STK31: variants seen among roughly 807,000 people sequenced by gnomAD.
STK31 encodes serine/threonine-protein kinase 31.
A neutral mutation model predicts 129.7 loss-of-function variants in STK31; 89 were observed. That is an observed-to-expected ratio of 0.69 (90% CI 0.58 to 0.82). STK31 has a LOEUF of 0.82. STK31 is among the 40% of genes least tolerant of loss of function. The pLI is 0.00. For missense variants in STK31, 1,187 were observed against 1,176.4 expected (o/e 1.01, Z -0.13); for synonymous variants, 448 against 395.3 (o/e 1.13, Z -1.58).
At chr7:23,776,996 T>G (rs956769962) in intron 15 of STK31, among the ~76,000 whole-genome samples, 9 of 152,228 alleles carry the variant, frequency 5.9e-5, no homozygotes, top group African/African-American at 2.2e-4. Flanking sequence ...GCTTTAGCTG[T>G]GTCCCAGAGA....
In STK31 at chr7:23,785,485, G is replaced by T. The variant is rs1407165896; in HGVS notation, c.2156G>T (p.Gly719Val). Reference sequence around the variant, plus strand: ...ATAAAAACTTGTGCCTAGAACTCTGGTGGTCTCCTTACAATGAGCTTGGAA... The same window carrying T: ...ATAAAAACTTGTGCCTAGAACTCTGTTGGTCTCCTTACAATGAGCTTGGAA... ...EIGLLKYMNS[G>V]GLLTMSLERD... Residue 719 changes from glycine to valine, a missense_variant, in exon 18 of 24, where the codon GGT becomes GTT. Physicochemically the swap from Gly to Val is moderately radical, Grantham distance 109. Transcript: ENST00000355870. 1.2e-6 allele frequency: 2 copies of T among 1,613,448 alleles called. No homozygotes were observed. Among genetic ancestry groups the T allele is most frequent in the Admixed American group, 3.3e-5 (2 of 59,994 alleles).
At chr7:23,739,818 G>A (rs1787947660) in intron 8 of STK31, among the ~76,000 whole-genome samples, 1 of 152,106 alleles carries the variant, frequency 6.6e-6, no homozygotes, top group Admixed American at 6.5e-5. Context: ...CCTTTGTTCT[G>A]TTCCATTGAT....
chr7:23,806,757 G>T (rs1467894457), intron 22 of STK31, among the ~76,000 whole-genome samples: 1 of 152,014 alleles, frequency 6.6e-6, no homozygotes, highest in Non-Finnish European at 1.5e-5. Flanking sequence ...AAAATCAGCC[G>T]GGCGTGTTGG....
intron 7 of STK31, among the ~76,000 whole-genome samples, chr7:23,736,150 TG>T (rs755804907): frequency 5.9e-5 from 9 of 152,240 alleles, no homozygotes; most frequent in African/African-American, 1.7e-4. Context: ...GCCAACTATT[TG>T]GAATACACTT....
At chr7:23,798,775 G>T (rs910804100) in intron 22 of STK31, among the ~76,000 whole-genome samples, 3 of 151,772 alleles carry the variant, frequency 2.0e-5, no homozygotes, top group African/African-American at 4.8e-5. Context: ...GAAAGAAAGG[G>T]TATTCAAATA....
chr7:23,792,448 G>C (rs1305050664), intron 22 of STK31, among the ~76,000 whole-genome samples: 1 of 152,064 alleles, frequency 6.6e-6, no homozygotes, highest in Non-Finnish European at 1.5e-5. Context: ...ACAAAGCATT[G>C]TTCAGAGAAA....
intron 22 of STK31, among the ~76,000 whole-genome samples, chr7:23,806,808 G>T (rs1584478468): frequency 6.6e-6 from 1 of 150,938 alleles, no homozygotes; most frequent in Non-Finnish European, 1.5e-5. Context: ...GCTGAGGCAG[G>T]AGAATGGTGT....
chr7:23,771,073 A>G lies in STK31; in HGVS notation c.1782A>G (p.Ser594=). 1 of 1,613,132 alleles carries G rather than the reference A, an allele frequency of 6.2e-7. No homozygotes were observed. Among genetic ancestry groups the G allele is most frequent in the African/African-American group, 1.3e-5 (1 of 74,964 alleles). Reference sequence around the variant, plus strand: ...GTCAAGTACTGCAAAAGATTCATTCAGAGGAAAGGCTCATTGCCACAGTAC... The same window carrying G: ...GTCAAGTACTGCAAAAGATTCATTCGGAGGAAAGGCTCATTGCCACAGTAC... ...TYSQVLQKIH[S]EERLIATVQA... is the part of the protein sequence containing the mutation. Residue 594 remains serine (S), a synonymous_variant, in exon 14 of 24, where the codon TCA becomes TCG. Transcript: ENST00000355870.
intron 22 of STK31, among the ~76,000 whole-genome samples, chr7:23,796,089 A>T (rs1791931733): frequency 6.6e-6 from 1 of 152,190 alleles, no homozygotes; most frequent in South Asian, 2.1e-4. Flanking sequence ...GGGTGGAATG[A>T]TAATGGTTTA....
At chr7:23,791,842 G>A (rs1791639699) in intron 22 of STK31, among the ~76,000 whole-genome samples, 1 of 152,190 alleles carries the variant, frequency 6.6e-6, no homozygotes, top group African/African-American at 2.4e-5. Context: ...AGCATTTTCT[G>A]TAAAGGACCA....
chr7:23,752,624 A>G (rs1788782699), intron 8 of STK31, 93 bp from the exon 9 acceptor site: 2 of 849,966 alleles, frequency 2.4e-6, no homozygotes, highest in Admixed American at 2.2e-5. Flanking sequence ...TACAGGCATG[A>G]GCCACTGTGC....
chr7:23,822,011 T>C (rs1793812474), intron 23 of STK31, among the ~76,000 whole-genome samples: 1 of 152,222 alleles, frequency 6.6e-6, no homozygotes, highest in African/African-American at 2.4e-5. Context: ...TATCTATTTC[T>C]ATACTAATAA....
At chr7:23,783,730 T>C (rs1235059169) in intron 17 of STK31, 67 bp downstream of exon 17, 3 of 1,286,886 alleles carry the variant, frequency 2.3e-6, no homozygotes, top group African/African-American at 3.0e-5. Flanking sequence ...ATATTAAATT[T>C]GTGTCAGTGT....
At chr7:23,829,644 T>C in intron 23 of STK31, among the ~76,000 whole-genome samples, 1 of 152,194 alleles carries the variant, frequency 6.6e-6, no homozygotes, top group East Asian at 1.9e-4. Flanking sequence ...GGGCTGGGCC[T>C]TGTAGAACAA....
chr7:23,819,467 G>A (rs1041208976), intron 23 of STK31, among the ~76,000 whole-genome samples: 1 of 150,834 alleles, frequency 6.6e-6, no homozygotes, highest in Non-Finnish European at 1.5e-5. Flanking sequence ...CAAGGCTGAA[G>A]TGCAGGGGCA....
intron 4 of STK31, among the ~76,000 whole-genome samples, chr7:23,720,745 A>G (rs957629442): frequency 1.3e-5 from 2 of 152,176 alleles, no homozygotes; most frequent in Non-Finnish European, 2.9e-5. Context: ...GGACTGTAAA[A>G]TTTCATAAAA....
chr7:23,825,548 A>T (rs1426088302), intron 23 of STK31, among the ~76,000 whole-genome samples: 2 of 152,184 alleles, frequency 1.3e-5, no homozygotes, highest in African/African-American at 4.8e-5. Context: ...TCAAAAAACC[A>T]GCTCCTGGAT....
chr7:23,775,310 G>A (rs1426056321), intron 15 of STK31, among the ~76,000 whole-genome samples: 2 of 152,118 alleles, frequency 1.3e-5, no homozygotes, highest in African/African-American at 4.8e-5. Context: ...TGGCTATCTG[G>A]GCTCTTTTTT....
At chr7:23,753,205 T>C (rs1010342706) in intron 9 of STK31, among the ~76,000 whole-genome samples, 3 of 152,226 alleles carry the variant, frequency 2.0e-5, no homozygotes, top group Admixed American at 6.5e-5. Context: ...CATTATAACA[T>C]TGAAGAAGAA....
Sources: gnomAD v4.1 joint callset for allele counts (sites outside exome capture counted in the v4.1 genomes callset) on GRCh38, gnomAD v4.1.1 for gene constraint, MANE v1.5 for transcripts, NCBI Gene and HGNC (gene_info 2026-07-23, HGNC 2026-07-21) for gene names.